The following ATP12A variants were observed in gnomAD, a reference collection of about 807,000 sequenced individuals.
ATP12A encodes the protein ATPase H+/K+ transporting non-gastric alpha2 subunit.
Under a neutral mutation model 111.2 loss-of-function variants are expected in ATP12A, and 81 were observed. The ratio of observed to expected loss-of-function variants is 0.73; its 90% CI spans 0.61 to 0.88. The LOEUF is 0.88. Among genes scored for constraint, ATP12A ranks in the 40% least tolerant of loss-of-function variants. ATP12A has a pLI of 0.00. For synonymous variants in ATP12A, 498 were observed against 499.8 expected (o/e 1.00, Z 0.05); for missense variants, 1,196 against 1,313.1 (o/e 0.91, Z 1.38).
Position 24,685,392 on chromosome 13 carries a change from G to T in ATP12A, c.228+19G>T, listed in dbSNP as rs774309249. 1 of 1,612,334 alleles carries T rather than the reference G, an allele frequency of 6.2e-7. No homozygotes were observed. The highest frequency in any genetic ancestry group is 1.1e-5 in the South Asian group (1 of 91,048). On this transcript the variant is annotated intron_variant, in intron 3 of 22. Coordinates refer to ENST00000381946, the MANE Select transcript of ATP12A (RefSeq NM_001676.7). This position sits in a 1 kb window ranked among gnomAD's most constrained non-coding sequence, Gnocchi z 5.5. ...CATTATGGTGAGTCGTGGGAACCAG[G>T]GATTTGGAAGAGAAGCCTCCCAACT...
At position 24,711,478 on chromosome 13, in the gene ATP12A, T is replaced by C; in HGVS notation, c.3092-16T>C. The C allele has an allele frequency of 6.2e-7, 1 of 1,614,214 alleles. No homozygotes were observed. Among genetic ancestry groups the C allele is most frequent in the Non-Finnish European group, 8.5e-7 (1 of 1,180,048 alleles). ...CAGACTCTCCATTTCTGATGTACTT[T>C]TTTCTACCTCTACAGGCTGGTGGGA... is the stretch of plus-strand genomic sequence containing the variant. On this transcript the variant is annotated splice_polypyrimidine_tract_variant and intron_variant, in intron 22 of 22. Coordinates refer to ENST00000381946, the MANE Select transcript of ATP12A (RefSeq NM_001676.7).
chr13:24,710,983 T>C, intron 21 of ATP12A, 90 bp downstream of exon 21: 2 of 1,198,990 alleles, frequency 1.7e-6, no homozygotes, highest in South Asian at 2.6e-5. Context: ...CCCAGGGTTC[T>C]TCCCCAAGTC....
In ATP12A at chr13:24,711,307, T is replaced by A; in HGVS notation, c.3000-11T>A. The A allele has an allele frequency of 1.3e-6, 2 of 1,588,334 alleles. No homozygotes were observed. The highest frequency in any genetic ancestry group is 2.3e-5 in the South Asian group (2 of 87,864). ...TGAGTCAGGGTTCACTTTCCATCCC[T>A]TTGCTTCCAGGGCTCAGTACTGGTT... On this transcript the variant is annotated splice_polypyrimidine_tract_variant and intron_variant, in intron 21 of 22. Coordinates refer to ENST00000381946, the MANE Select transcript of ATP12A (RefSeq NM_001676.7).
rs1336579618 is a variant in ATP12A at position 24,709,873 on chromosome 13, A to G, written c.2763+45A>G. The G allele has an allele frequency of 3.7e-6, 6 of 1,608,250 alleles. No homozygotes were observed. The Admixed American group carries it at 6.7e-5, about 18-fold the overall frequency. On this transcript the variant is annotated intron_variant, in intron 19 of 22. Coordinates refer to ENST00000381946, the MANE Select transcript of ATP12A (RefSeq NM_001676.7). ...CTGCAGAGTCCACCTGATTCTCTCC[A>G]TGCTCATTGCCCTGCGCAGAATTAC...
chr13:24,696,718 CAAA>C (rs1199522203), intron 11 of ATP12A, among the ~76,000 whole-genome samples: 3 of 33,034 alleles, frequency 9.1e-5, no homozygotes, highest in East Asian at 1.9e-3. Flanking sequence ...GACTCCGTCT[CAAA>C]AAAAAAAAAA....
chr13:24,701,181 G>A (rs573965071), intron 13 of ATP12A, among the ~76,000 whole-genome samples: 8 of 152,186 alleles, frequency 5.3e-5, no homozygotes, highest in East Asian at 1.9e-4. Context: ...ACCATATCTC[G>A]CCCTAGTCCA....
chr13:24,710,408 TAGA>T, intron 19 of ATP12A, 49 bp from the exon 20 acceptor site: 2 of 1,603,354 alleles, frequency 1.2e-6, no homozygotes, highest in Non-Finnish European at 1.7e-6. Flanking sequence ...TGGAATTTCC[TAGA>T]AGTTTTCCTT....
intron 11 of ATP12A, among the ~76,000 whole-genome samples, chr13:24,697,639 CAAAAAAA>C (rs67009964): frequency 1.0e-5 from 1 of 96,800 alleles, no homozygotes; most frequent in African/African-American, 3.8e-5. Context: ...GACCCCGTCT[CAAAAAAA>C]AAAAAAAAAA....
Position 24,700,756 on chromosome 13 carries a change from A to G in ATP12A, c.1715A>G (p.His572Arg). The G allele has an allele frequency of 6.2e-7, 1 of 1,613,558 alleles. No individual in the cohort carries two copies. The highest frequency in any genetic ancestry group is 1.1e-5 in the South Asian group (1 of 91,016). The change falls in exon 13 of 23, where the codon CAT becomes CGT. Residue 572 changes from histidine (H) to arginine (R), a missense_variant. Physicochemically the swap from His to Arg is conservative, Grantham distance 29. Transcript: ENST00000381946. ...GLGERVLGFCHLYLPADEFPE... is the reference protein window; with the variant it reads ...GLGERVLGFCRLYLPADEFPE... ...TTCATCTGTATTACAGGTTTCTGTC[A>G]TCTCTACCTGCCAGCAGACGAGTTT...
At chr13:24,690,313 C>T (rs759883163) in intron 5 of ATP12A, 25 bp from the exon 6 acceptor site, 2 of 1,612,002 alleles carry the variant, frequency 1.2e-6, no homozygotes, top group South Asian at 2.2e-5. Flanking sequence ...GGGTCTGAGG[C>T]ATCTGTCATG....
rs1220548988 is a variant in ATP12A, at chr13:24,691,056, G to T, written c.874G>T (p.Val292Phe). ...CCATATTGCCTCATTGGCCTCAGGA[G>T]TTGGAAATGAGAAGACGCCCATTGC... ...IGHIASLASGVGNEKTPIAIE... is the reference protein window; with the variant it reads ...IGHIASLASGFGNEKTPIAIE... The change falls in exon 8 of 23, where the codon GTT becomes TTT. Residue 292 changes from valine to phenylalanine, a missense_variant. Physicochemically the swap from Val to Phe is conservative, Grantham distance 50 (BLOSUM62 -1). Coordinates refer to ENST00000381946, the MANE Select transcript of ATP12A (RefSeq NM_001676.7). 2.5e-6 allele frequency: 4 copies of T among 1,614,118 alleles called. No homozygotes were observed. The highest frequency in any genetic ancestry group is 1.3e-5 in the African/African-American group (1 of 74,940).
chr13:24,689,059 C>T (rs994238397), intron 4 of ATP12A, among the ~76,000 whole-genome samples: 5 of 151,468 alleles, frequency 3.3e-5, no homozygotes, highest in Admixed American at 2.0e-4. Context: ...TCTGAGGCTG[C>T]GGTGGAGGGT....
rs537251528 is a variant in ATP12A at position 24,681,304 on chromosome 13, G to A, written c.10-258G>A. 1.8e-4 allele frequency among the ~76,000 whole-genome samples: 27 copies of A among 152,292 alleles called. No homozygotes were observed. The South Asian group carries it at 2.5e-3, about 14-fold the overall frequency. ...GGTAACTTCCCACCTGCTCCACCCAGAGAAGGGTCACCCTGAGGAGCTGCT... is the reference window on the plus strand; with the variant it reads ...GGTAACTTCCCACCTGCTCCACCCAAAGAAGGGTCACCCTGAGGAGCTGCT... On this transcript the variant is annotated intron_variant, in intron 1 of 22. Coordinates refer to ENST00000381946, the MANE Select transcript of ATP12A (RefSeq NM_001676.7).
rs746130963 is a variant in ATP12A, at chr13:24,688,312, T to A, written c.229-7T>A. 13 of 1,604,116 alleles carry A rather than the reference T, an allele frequency of 8.1e-6. No individual in the cohort carries two copies. The highest frequency in any genetic ancestry group is 1.3e-5 in the African/African-American group (1 of 74,564). ...GGTTGTGCATGTGCTTTGTTTGGCT[T>A]TCCCAGGGTCTCTCCAGCACCAGAG... On this transcript the variant is annotated splice_polypyrimidine_tract_variant and splice_region_variant and intron_variant, in intron 3 of 22. Transcript: ENST00000381946.
At chr13:24,708,964 G>GGAAGAAAGAAAAGAAA (rs1566078418) in intron 17 of ATP12A, among the ~76,000 whole-genome samples, 2 of 114,732 alleles carry the variant, frequency 1.7e-5, no homozygotes, top group Non-Finnish European at 3.7e-5. Flanking sequence ...AAAGAAAGAA[G>GGAAGAAAGAAAAGAAA]GAAAGAGAAA....
intron 5 of ATP12A, among the ~76,000 whole-genome samples, chr13:24,690,007 G>T (rs998696452): frequency 6.6e-5 from 10 of 152,152 alleles, no homozygotes; most frequent in Admixed American, 3.3e-4. Flanking sequence ...TTTCTAGGAG[G>T]CCCAGGGCTC....
chr13:24,700,792 A>G lies in ATP12A; in HGVS notation c.1751A>G (p.Tyr584Cys), dbSNP rs982727145. The change falls in exon 13 of 23, where the codon TAC becomes TGC. Residue 584 changes from tyrosine to cysteine, a missense_variant. Tyr to Cys is a radical substitution (Grantham distance 194, BLOSUM62 -2). Around this residue, in one of 3 missense-constraint regions of ATP12A, gnomAD observed 1,126 missense variants for 1,228.5 expected, o/e 0.92. Coordinates refer to ENST00000381946, the MANE Select transcript of ATP12A (RefSeq NM_001676.7). ...CCAGCAGACGAGTTTCCAGAAACCT[A>G]CTCATTTGACATAGACGCTATGAAC... ...YLPADEFPETYSFDIDAMNFP... is the reference protein window; with the variant it reads ...YLPADEFPETCSFDIDAMNFP... 9.9e-6 allele frequency: 16 copies of G among 1,614,086 alleles called. No individual in the cohort carries two copies. Among genetic ancestry groups the G allele is most frequent in the Non-Finnish European group, 1.4e-5 (16 of 1,180,010 alleles).
intron 17 of ATP12A, among the ~76,000 whole-genome samples, chr13:24,708,338 A>G (rs1233364285): frequency 6.6e-6 from 1 of 152,224 alleles, no homozygotes; most frequent in Non-Finnish European, 1.5e-5. Context: ...AGCAAGCTGA[A>G]TTCTTAGCAG....
At chr13:24,684,452 A>G (rs1350495970) in intron 2 of ATP12A, among the ~76,000 whole-genome samples, 3 of 152,204 alleles carry the variant, frequency 2.0e-5, no homozygotes, top group African/African-American at 7.2e-5. Context: ...ATCAGGGTTT[A>G]AAAAATCCTG....
Sources: allele counts gnomAD v4.1 joint callset (sites outside exome capture counted in the v4.1 genomes callset), GRCh38; gene constraint gnomAD v4.1.1; regional missense constraint gnomAD v4.1.1; non-coding constraint Gnocchi (gnomAD v3.1); transcripts MANE v1.5; gene names NCBI Gene and HGNC (gene_info 2026-07-23, HGNC 2026-07-21).